Variants in MIA2 observed in about 807,000 individuals in gnomAD.
MIA2 encodes melanoma inhibitory activity protein 2.
In MIA2, 127 loss-of-function variants were observed where a neutral mutation model predicts 167.8. The observed-to-expected ratio is 0.76, with a 90% confidence interval of 0.66 to 0.88. MIA2 has a LOEUF of 0.88. MIA2 is among the 40% of genes least tolerant of loss of function. The pLI is 0.00. For synonymous variants in MIA2, 552 were observed against 541.9 expected, an observed-to-expected ratio of 1.02 and a Z score of -0.26; for missense variants, 1,690 against 1,624.7, an observed-to-expected ratio of 1.04 and a Z score of -0.69.
intron 3 of MIA2, among the ~76,000 whole-genome samples, chr14:39,246,082 T>TTTTATTTATTA (rs140388567): frequency 4.9e-5 from 7 of 143,368 alleles, no homozygotes; most frequent in African/African-American, 1.8e-4. Context: ...TTTTAAAAAT[T>TTTTATTTATTA]TTTATTTATT....
At chr14:39,265,636 T>G in intron 6 of MIA2, 1 of 414,192 alleles carries the variant, frequency 2.4e-6, no homozygotes, top group Non-Finnish European at 4.2e-6. Context: ...AAAGGGAGGT[T>G]TTTTTTTTGT....
intron 13 of MIA2, among the ~76,000 whole-genome samples, chr14:39,296,796 G>C (rs1189953741): frequency 6.6e-6 from 1 of 150,536 alleles, no homozygotes; most frequent in Non-Finnish European, 1.5e-5. Context: ...TTGTTTTTGA[G>C]ATGGAGTCTT....
intron 21 of MIA2, 74 bp from the exon 22 acceptor site, chr14:39,317,870 T>A: frequency 1.1e-6 from 1 of 943,958 alleles, no homozygotes. Context: ...TTAATGAATG[T>A]TTATATTGAC....
chr14:39,290,964 T>G (rs2060655020), intron 9 of MIA2, 55 bp from the exon 10 acceptor site: 1 of 1,447,888 alleles, frequency 6.9e-7, no homozygotes, highest in African/African-American at 1.4e-5. Context: ...TCTATCCAGA[T>G]AAGATTTAGA....
In MIA2 at chr14:39,237,198, A is replaced by T. The variant is rs761026097; in HGVS notation, c.249+143A>T. Reference sequence around the variant, plus strand: ...TGCAGTGGTGTGATCACAGCTCACTACAACTTCCAGCTTCCAACTCCTGAG... The same window carrying T: ...TGCAGTGGTGTGATCACAGCTCACTTCAACTTCCAGCTTCCAACTCCTGAG... On this transcript the variant is annotated intron_variant, in intron 2 of 28. Transcript: ENST00000640607. The T allele has an allele frequency of 7.8e-6, 7 of 902,788 alleles. No individual in the cohort carries two copies. The South Asian group carries it at 1.0e-4, about 13-fold the overall frequency. 55.9% of individuals were successfully genotyped at this position (902,788 alleles called of 1,614,324 possible).
chr14:39,316,446 A>T (rs1187696699), intron 21 of MIA2, among the ~76,000 whole-genome samples: 5 of 152,206 alleles, frequency 3.3e-5, no homozygotes, highest in Admixed American at 6.5e-5. Flanking sequence ...TACGTGTAAG[A>T]TAGAGATAGC....
intron 6 of MIA2, among the ~76,000 whole-genome samples, chr14:39,272,611 A>G (rs1487394179): frequency 6.6e-6 from 1 of 152,190 alleles, no homozygotes; most frequent in Non-Finnish European, 1.5e-5. Context: ...AAAGAAATAC[A>G]AAAATTAGTT....
Position 39,329,653 on chromosome 14 carries a change from G to GTT in MIA2, c.3655+2647_3655+2648dup, listed in dbSNP as rs139865314. Among the ~76,000 whole-genome samples, 10 of 140,782 alleles carry GTT rather than the reference G, an allele frequency of 7.1e-5. No homozygotes were observed. The South Asian group carries it at 8.9e-4, about 13-fold the overall frequency. 92.4% of individuals were successfully genotyped at this position (140,782 alleles called of 152,430 possible). A position where few individuals can be genotyped will look rare whatever the true frequency, so the allele number is the denominator to read the frequency against. The stretch of plus-strand genomic sequence containing the variant: ...GTTCCATCACTACCTAGTTTATTGA[G>GTT]TTTTTTTTTTTTTTTTTAGCATGAA... On this transcript the variant is annotated intron_variant, in intron 25 of 28. Transcript: ENST00000640607.
intron 23 of MIA2, among the ~76,000 whole-genome samples, chr14:39,367,163 G>A (rs1012803612): frequency 4.6e-5 from 7 of 152,220 alleles, no homozygotes; most frequent in Non-Finnish European, 7.3e-5. Flanking sequence ...CCTGGGGGCA[G>A]CCTCCCTTGT....
intron 18 of MIA2, among the ~76,000 whole-genome samples, chr14:39,309,745 C>T (rs1394165251): frequency 4.6e-5 from 7 of 152,262 alleles, no homozygotes; most frequent in South Asian, 2.1e-4. Context: ...TCTGTATTCC[C>T]AGTGCCTAAA....
downstream of MIA2, among the ~76,000 whole-genome samples, chr14:39,355,397 G>A (rs1301058172): frequency 6.6e-6 from 1 of 152,112 alleles, no homozygotes; most frequent in Non-Finnish European, 1.5e-5. Context: ...TTTGCACATT[G>A]ATTTTGTATC....
At chr14:39,279,662 G>T in intron 9 of MIA2, 125 bp downstream of exon 9, 1 of 639,578 alleles carries the variant, frequency 1.6e-6, no homozygotes, top group Non-Finnish European at 2.6e-6. Flanking sequence ...AGTTCTCTTT[G>T]CTCTTCATAT....
At chr14:39,381,976 C>T (rs1421500245) in intron 23 of MIA2, among the ~76,000 whole-genome samples, 11 of 152,146 alleles carry the variant, frequency 7.2e-5, no homozygotes, top group Non-Finnish European at 1.6e-4. Flanking sequence ...AGGAGAATTT[C>T]TAAGACAAAC....
Position 39,259,099 on chromosome 14 carries a change from T to A in MIA2, c.1887+5928T>A, listed in dbSNP as rs1280068304. On this transcript the variant is annotated intron_variant, in intron 6 of 28. Transcript: ENST00000640607. The stretch of plus-strand genomic sequence containing the variant: ...GAAGAAGTCTGCCCCTTAGCAGAGC[T>A]GGTGCGCTGTGCTGATAGAATCCCT... 3.3e-5 allele frequency among the ~76,000 whole-genome samples: 5 copies of A among 152,248 alleles called. 1 individual carries two copies. The South Asian group carries it at 8.3e-4, about 25-fold the overall frequency.
chr14:39,274,613 A>T (rs1232651922), intron 6 of MIA2, among the ~76,000 whole-genome samples: 4 of 149,482 alleles, frequency 2.7e-5, no homozygotes, highest in African/African-American at 4.9e-5. Context: ...TTTGGTAGAG[A>T]TGGGGTTTCA....
chr14:39,298,828 A>T (rs2061918557), intron 13 of MIA2, among the ~76,000 whole-genome samples: 1 of 151,326 alleles, frequency 6.6e-6, no homozygotes, highest in Non-Finnish European at 1.5e-5. Context: ...TAACACCTGT[A>T]ATCTCAGTGA....
intron 6 of MIA2, among the ~76,000 whole-genome samples, chr14:39,259,050 G>A (rs996991607): frequency 3.9e-5 from 6 of 152,244 alleles, no homozygotes; most frequent in South Asian, 2.1e-4. Flanking sequence ...GTCAGGAGGC[G>A]CGGGGGTCAG....
chr14:39,366,879 G>A (rs2074833162), intron 23 of MIA2, among the ~76,000 whole-genome samples: 1 of 152,312 alleles, frequency 6.6e-6, no homozygotes, highest in Admixed American at 6.5e-5. Flanking sequence ...CTCTAGGGAG[G>A]ACAAACTTCA....
At chr14:39,305,187 T>C (rs969690599) in intron 17 of MIA2, among the ~76,000 whole-genome samples, 4 of 152,238 alleles carry the variant, frequency 2.6e-5, no homozygotes, top group African/African-American at 9.6e-5. Context: ...TAAAAAATTA[T>C]ATCCCTACTC....
Sources: allele counts gnomAD v4.1 joint callset (sites outside exome capture counted in the v4.1 genomes callset), GRCh38; gene constraint gnomAD v4.1.1; transcripts MANE v1.5; gene names NCBI Gene and HGNC (gene_info 2026-07-23, HGNC 2026-07-21).